Variants in LAMA5 observed in about 807,000 individuals in gnomAD.
LAMA5 encodes the protein laminin subunit alpha-5.
LAMA5 carries 260 observed loss-of-function variants against 433.4 expected under a neutral mutation model. The ratio of observed to expected loss-of-function variants is 0.60; its 90% confidence interval spans 0.54 to 0.66. The LOEUF is 0.66. LAMA5 is among the 30% of genes least tolerant of loss of function. LAMA5 has a pLI of 0.00. For synonymous variants in LAMA5, 2,620 were observed against 2,226.6 expected (o/e 1.18, Z -4.97); for missense variants, 5,378 against 5,258.5 (o/e 1.02, Z -0.70).
intron 52 of LAMA5, 67 bp from the exon 53 acceptor site, chr20:62,318,717 C>T (rs1404316917): frequency 6.3e-7 from 1 of 1,579,084 alleles, no homozygotes; most frequent in South Asian, 1.1e-5. Flanking sequence ...CTGGTCTCCA[C>T]TTGGTGCCCG....
chr20:62,313,555 G>A (rs1258402762), intron 63 of LAMA5, 94 bp downstream of exon 63: 10 of 1,568,978 alleles, frequency 6.4e-6, no homozygotes, highest in African/African-American at 1.4e-5. Context: ...GACGGACTGA[G>A]GCAAGATACC....
rs201205759 is a variant in LAMA5 at position 62,327,964 on chromosome 20, C to T, written c.4699G>A (p.Gly1567Ser). The change falls in exon 36 of 80, where the codon GGC becomes AGC. Residue 1567 changes from glycine to serine, a missense_variant. Transcript: ENST00000252999. ...CGGCAGCGGGGGTAGCCATGGAAGCCCGGAGAGCAGGTATCACAGCGGCGC... is the reference window on the plus strand; with the variant it reads ...CGGCAGCGGGGGTAGCCATGGAAGCTCGGAGAGCAGGTATCACAGCGGCGC... ...TGRRCDTCSP[G>S]FHGYPRCRPC... The T allele has an allele frequency of 8.1e-6, 13 of 1,612,462 alleles. No homozygotes were observed. The East Asian group carries it at 2.9e-4, about 36-fold the overall frequency.
Position 62,332,545 on chromosome 20 carries a change from G to A in LAMA5, c.3443+12C>T. 2 of 1,599,948 alleles carry A rather than the reference G, an allele frequency of 1.3e-6. No individual in the cohort carries two copies. Among genetic ancestry groups the A allele is most frequent in the Non-Finnish European group, 8.5e-7 (1 of 1,171,302 alleles). On this transcript the variant is annotated intron_variant, in intron 27 of 79. Transcript: ENST00000252999. ...GCGTGCCCTTACTCCAGCCCCACCG[G>A]CTCCCACTCACCTGTACAGGCAGGG...
Position 62,324,340 on chromosome 20 carries a change from G to A in LAMA5, c.5643+101C>T. 1 of 1,410,804 alleles carries A rather than the reference G, an allele frequency of 7.1e-7. No individual in the cohort carries two copies. The highest frequency in any genetic ancestry group is 9.8e-7 in the Non-Finnish European group (1 of 1,021,940). The allele number at this position is 1,410,804 out of a possible 1,614,324, so 87.4% of individuals were successfully genotyped here. ...CCCCACTGGGCAACACCCTTCCCCA[G>A]ACCTCAGTTGACCTGGAAGTGCAGC... On this transcript the variant is annotated intron_variant, in intron 42 of 79. Coordinates refer to ENST00000252999, the MANE Select transcript of LAMA5 (RefSeq NM_005560.6). The surrounding 1 kb of genome is among the most constrained non-coding windows in gnomAD (Gnocchi z 4.4).
chr20:62,333,532 G>A, intron 24 of LAMA5, 32 bp downstream of exon 24: 2 of 1,573,438 alleles, frequency 1.3e-6, no homozygotes, highest in Non-Finnish European at 1.7e-6. Flanking sequence ...CCCTGACCCG[G>A]CCCCCAGCCC....
At chr20:62,337,495 C>G (rs1035593154) in intron 16 of LAMA5, 95 bp downstream of exon 16, 35 of 1,489,232 alleles carry the variant, frequency 2.4e-5, no homozygotes, top group Non-Finnish European at 3.0e-5. Context: ...GCAAGATGCA[C>G]GTGAACAGCC....
intron 6 of LAMA5, among the ~76,000 whole-genome samples, chr20:62,349,949 G>GGAGGA (rs1364229631): frequency 6.6e-6 from 1 of 151,224 alleles, no homozygotes; most frequent in East Asian, 2.0e-4. Context: ...CCCCTTCCCT[G>GGAGGA]GAGGAGAGGT....
Position 62,311,069 on chromosome 20 carries a change from G to A in LAMA5, c.10114C>T (p.Pro3372Ser). 1 of 1,594,104 alleles carries A rather than the reference G, an allele frequency of 6.3e-7. No individual in the cohort carries two copies. Residue 3372 changes from proline (P) to serine (S), a missense_variant, in exon 74 of 80, where the codon CCG (proline) becomes TCG (serine). Pro to Ser is a moderately conservative substitution (Grantham distance 74, BLOSUM62 -1). Transcript: ENST00000252999. ...NWPSLSMHVL[P>S]RSSRGLLLFT... ...AGGAGGAGGCCTCGGGAGCTTCGCG[G>A]GAGGACGTGCATGGAGAGACTGGGC...
intron 2 of LAMA5, among the ~76,000 whole-genome samples, chr20:62,354,769 A>G (rs1294243391): frequency 6.6e-6 from 1 of 152,016 alleles, no homozygotes; most frequent in East Asian, 1.9e-4. Flanking sequence ...GGCTCCCCCT[A>G]CCTGGGGGCA....
At position 62,324,209 on chromosome 20, in the gene LAMA5, G is replaced by C; in HGVS notation, c.5644-5C>G. 1 of 1,577,934 alleles carries C rather than the reference G, an allele frequency of 6.3e-7. No homozygotes were observed. The highest frequency in any genetic ancestry group is 1.2e-5 in the South Asian group (1 of 85,464). On this transcript the variant is annotated splice_polypyrimidine_tract_variant and splice_region_variant and intron_variant, in intron 42 of 79. Transcript: ENST00000252999. The surrounding 1 kb of genome is among the most constrained non-coding windows in gnomAD (Gnocchi z 4.4). ...TTCGGTGTTGTGCTGGCAGTCCTGGGGCAGAGTGGACAGTCAGAGCTATGG... is the reference window on the plus strand; with the variant it reads ...TTCGGTGTTGTGCTGGCAGTCCTGGCGCAGAGTGGACAGTCAGAGCTATGG...
intron 2 of LAMA5, among the ~76,000 whole-genome samples, chr20:62,353,499 A>G (rs544386583): frequency 6.6e-6 from 1 of 152,266 alleles, no homozygotes; most frequent in African/African-American, 2.4e-5. Flanking sequence ...CTCGGGACCA[A>G]CGCGCTGCCT....
chr20:62,318,719 T>A (rs1987325870), intron 52 of LAMA5, 69 bp from the exon 53 acceptor site: 1 of 1,578,036 alleles, frequency 6.3e-7, no homozygotes, highest in Non-Finnish European at 8.6e-7. Flanking sequence ...GGTCTCCACT[T>A]GGTGCCCGCC....
chr20:62,309,151 C>G lies in LAMA5; in HGVS notation c.*185G>C. On this transcript the variant is annotated 3_prime_UTR_variant, in exon 80 of 80. Transcript: ENST00000252999. ...TCACAATTAAAAATGGGTGGAAGGGCCAAATATAAAAACATTTTGCAGTAT... is the reference window on the plus strand; with the variant it reads ...TCACAATTAAAAATGGGTGGAAGGGGCAAATATAAAAACATTTTGCAGTAT... 1 of 658,542 alleles carries G rather than the reference C, an allele frequency of 1.5e-6. No homozygotes were observed. The highest frequency in any genetic ancestry group is 2.4e-6 in the Non-Finnish European group (1 of 411,368). 40.8% of individuals were successfully genotyped at this position (658,542 alleles called of 1,614,324 possible).
In LAMA5 at chr20:62,333,257, G is replaced by A; in HGVS notation, c.3129-14C>T. The A allele has an allele frequency of 6.4e-7, 1 of 1,558,640 alleles. No individual in the cohort carries two copies. The highest frequency in any genetic ancestry group is 2.3e-5 in the East Asian group (1 of 44,292). On this transcript the variant is annotated splice_polypyrimidine_tract_variant and intron_variant, in intron 25 of 79. Transcript: ENST00000252999. ...TAGAGGAGGCAGCTGGGGGGACACA[G>A]GCCGTGGTCAGCCCCAGGTCCACCC... is the stretch of plus-strand genomic sequence containing the variant.
Position 62,310,427 on chromosome 20 carries a change from A to G in LAMA5, c.10592T>C (p.Ile3531Thr), listed in dbSNP as rs1568887529. The stretch of plus-strand genomic sequence containing the variant: ...TGCCAGCACCCACAGACCTAAAGTG[A>G]TAACTCCCCCGCTGCCTGGGAAGAA... ...GLFFPGSGGV[I>T]TLDLPGATLP... Residue 3531 changes from isoleucine to threonine, a missense_variant, in exon 76 of 80, where the codon ATC becomes ACC. By Grantham distance (89) the Ile-to-Thr change is moderately conservative. Transcript: ENST00000252999. 11 of 1,603,740 alleles carry G rather than the reference A, an allele frequency of 6.9e-6. No individual in the cohort carries two copies. Among genetic ancestry groups the G allele is most frequent in the Non-Finnish European group, 9.4e-6 (11 of 1,176,236 alleles).
In LAMA5 at chr20:62,359,646, T is replaced by C. The variant is rs554571493; in HGVS notation, c.450+2754A>G. On this transcript the variant is annotated intron_variant, in intron 2 of 79. Coordinates refer to ENST00000252999, the MANE Select transcript of LAMA5 (RefSeq NM_005560.6). The surrounding 1 kb of genome is among the most constrained non-coding windows in gnomAD (Gnocchi z 4.3). ...CGTCTGGAACTCGGAAACTGCCCCC[T>C]GAGTCACCAGTGACCAGCGCTGGAG... is the stretch of plus-strand genomic sequence containing the variant. 6.6e-6 allele frequency among the ~76,000 whole-genome samples: 1 copy of C among 151,984 alleles called. No homozygotes were observed. Among genetic ancestry groups the C allele is most frequent in the Non-Finnish European group, 1.5e-5 (1 of 67,900 alleles).
rs1981993894 is a variant in LAMA5, at chr20:62,338,135, G to A, written c.1772C>T (p.Pro591Leu). 1 of 1,588,288 alleles carries A rather than the reference G, an allele frequency of 6.3e-7. No homozygotes were observed. Among genetic ancestry groups the A allele is most frequent in the Non-Finnish European group, 8.6e-7 (1 of 1,166,540 alleles). ...GCAGCCCTCGGGCAAGGTTCCTGCA[G>A]GGCTGCAGCCACACACTGCAGAGCG... ...FPLCQLCGCSPAGTLPEGCDE... is the reference protein window; with the variant it reads ...FPLCQLCGCSLAGTLPEGCDE... The change falls in exon 14 of 80, where the codon CCT becomes CTT. Residue 591 changes from proline to leucine, a missense_variant. Coordinates refer to ENST00000252999, the MANE Select transcript of LAMA5 (RefSeq NM_005560.6).
At position 62,347,007 on chromosome 20, in the gene LAMA5, G is replaced by A; in HGVS notation, c.978C>T (p.His326=). The A allele has an allele frequency of 6.2e-7, 1 of 1,611,630 alleles. No homozygotes were observed. The highest frequency in any genetic ancestry group is 8.5e-7 in the Non-Finnish European group (1 of 1,179,888). The change falls in exon 7 of 80, where the codon CAC becomes CAT. Residue 326 remains histidine (H), a synonymous_variant. Coordinates refer to ENST00000252999, the MANE Select transcript of LAMA5 (RefSeq NM_005560.6). ...DPFRLQCTCQ[H]NTCGGTCDRC... is the part of the protein sequence containing the mutation. The stretch of plus-strand genomic sequence containing the variant: ...GGTCGCAGGTGCCCCCGCAGGTGTT[G>A]TGCTGGCAGGTGCACTGCAGCCTGT...
Position 62,309,616 on chromosome 20 carries a change from GGAGGGGGCAGGGGGTGGAGGGGT to G in LAMA5, c.10948+77_10948+99del. ...GTGGTAGGGGGGTGGGAGGAGGGTG[GGAGGGGGCAGGGGGTGGAGGGGT>G]GGGGGGAGGGTGGTAGGTTACGCAG... On this transcript the variant is annotated intron_variant, in intron 79 of 79. Coordinates refer to ENST00000252999, the MANE Select transcript of LAMA5 (RefSeq NM_005560.6). The G allele has an allele frequency of 5.9e-6, 3 of 508,984 alleles. 1 individual carries two copies. Among genetic ancestry groups the G allele is most frequent in the African/African-American group, 4.5e-5 (2 of 44,270 alleles). 31.5% of individuals were successfully genotyped at this position (508,984 alleles called of 1,614,324 possible).
Sources: gnomAD v4.1 joint callset for allele counts (sites outside exome capture counted in the v4.1 genomes callset) on GRCh38, gnomAD v4.1.1 for gene constraint, Gnocchi (gnomAD v3.1) non-coding constraint, MANE v1.5 for transcripts, NCBI Gene and HGNC (gene_info 2026-07-23, HGNC 2026-07-21) for gene names.